The following TMC4 variants were observed in gnomAD, a reference collection of about 807,000 sequenced individuals.
TMC4 encodes the protein voltage-gated chloride channel TMC4.
TMC4 carries 70 observed loss-of-function variants against 82.0 expected under a neutral mutation model. The observed-to-expected ratio is 0.85, with a 90% CI of 0.70 to 1.04. The LOEUF (loss-of-function observed/expected upper bound fraction) is 1.04. Among genes scored for constraint, TMC4 ranks in the 50% least tolerant of loss-of-function variants. TMC4 has a pLI of 0.00. For missense variants in TMC4, 879 were observed against 899.0 expected (o/e 0.98, Z 0.28); for synonymous variants, 446 against 406.0 (o/e 1.10, Z -1.18).
rs2075577550 is a variant in TMC4, at chr19:54,162,304, C to T, written c.1503-19G>A. On this transcript the variant is annotated intron_variant, in intron 10 of 14. Coordinates refer to ENST00000619895, the MANE Select transcript of TMC4 (RefSeq NM_144686.4). ...GAGGAGCCTGAAGGACGGGGCGGGG[C>T]CGGGCCGGAGTCAGGGGAGTGGCGG... The T allele has an allele frequency of 2.1e-6, 3 of 1,409,030 alleles. No individual in the cohort carries two copies. Among genetic ancestry groups the T allele is most frequent in the South Asian group, 1.3e-5 (1 of 78,094 alleles). The allele number at this position is 1,409,030 out of a possible 1,614,324, so 87.3% of individuals were successfully genotyped here. A position where few individuals can be genotyped will look rare whatever the true frequency, so the allele number is the denominator to read the frequency against.
At chr19:54,168,989 TC>T (rs2075812026) in intron 3 of TMC4, among the ~76,000 whole-genome samples, 1 of 28,698 alleles carries the variant, frequency 3.5e-5, no homozygotes, top group Non-Finnish European at 6.6e-5. Context: ...TCTCTCTCTC[TC>T]TCTCTATATA....
chr19:54,166,675 C>T (rs568090918), intron 5 of TMC4, among the ~76,000 whole-genome samples: 5 of 152,250 alleles, frequency 3.3e-5, no homozygotes, highest in South Asian at 2.1e-4. Context: ...GGCTCTTTGC[C>T]GGGCGTGGTG....
rs1450229174 is a variant in TMC4, at chr19:54,162,140, TAAGC to T, written c.1644_1647del (p.Leu549ThrfsTer11). ...AAAAGCAGCAGGAACTTGACCGTGT[TAAGC>T]AGGGGCAGTAAAGGGCAGAAAAAAC... is the stretch of plus-strand genomic sequence containing the variant. On this transcript the variant is annotated frameshift_variant, in exon 11 of 15. Coordinates refer to ENST00000619895, the MANE Select transcript of TMC4 (RefSeq NM_144686.4). LOFTEE classifies it high-confidence loss of function. 2 of 1,613,688 alleles carry T rather than the reference TAAGC, an allele frequency of 1.2e-6. No homozygotes were observed. Among genetic ancestry groups the T allele is most frequent in the East Asian group, 4.5e-5 (2 of 44,854 alleles).
Position 54,162,193 on chromosome 19 carries a change from G to T in TMC4, c.1595C>A (p.Ala532Glu). 1 of 1,613,584 alleles carries T rather than the reference G, an allele frequency of 6.2e-7. No homozygotes were observed. ...ACTCCCCACCCAGACCACCGTCTGC[G>T]CGTAGATGAGCCCCAGCACCTCGTC... ...VPDEVLGLIY[A>E]QTVVWVGSFF... is the part of the protein sequence containing the mutation. Residue 532 changes from alanine to glutamate, a missense_variant, in exon 11 of 15, where the codon GCG (alanine) becomes GAG (glutamate). Transcript: ENST00000619895.
Position 54,173,064 on chromosome 19 carries a change from C to A in TMC4, c.54G>T (p.Trp18Cys), listed in dbSNP as rs1404565731. ...ESEAWGSSRE[W>C]LAPREARGGP... ...CTCCTCTGGCCTCCCGGGGGGCCAG[C>A]CACTCCCTAGAGGAGCCCCAGGCTT... is the stretch of plus-strand genomic sequence containing the variant. The change falls in exon 1 of 15, where the codon TGG (tryptophan) becomes TGT (cysteine). Residue 18 changes from tryptophan (W) to cysteine (C), a missense_variant. By Grantham distance (215) the Trp-to-Cys change is radical. Transcript: ENST00000619895. 2.5e-6 allele frequency: 4 copies of A among 1,613,346 alleles called. No homozygotes were observed. The highest frequency in any genetic ancestry group is 2.7e-5 in the African/African-American group (2 of 74,858).
At position 54,161,235 on chromosome 19, in the gene TMC4, G is replaced by A. The variant is rs1354348699; in HGVS notation, c.1712C>T (p.Pro571Leu). The A allele has an allele frequency of 1.3e-6, 2 of 1,563,448 alleles. No individual in the cohort carries two copies. Among genetic ancestry groups the A allele is most frequent in the Non-Finnish European group, 1.7e-6 (2 of 1,156,218 alleles). The stretch of plus-strand genomic sequence containing the variant: ...GGAGGCCCGGAAGGTGCGGGCAGCC[G>A]GGGAGCAGGTGGAGAAGAGGGTAAG... ...KKLTLFSTCSPAARTFRASAA... is the reference protein window; with the variant it reads ...KKLTLFSTCSLAARTFRASAA... Residue 571 changes from proline (P) to leucine (L), a missense_variant, in exon 12 of 15, where the codon CCG becomes CTG. By Grantham distance (98) the Pro-to-Leu change is moderately conservative. Transcript: ENST00000619895.
chr19:54,165,171 G>T (rs951727719), intron 6 of TMC4, among the ~76,000 whole-genome samples: 1 of 150,254 alleles, frequency 6.7e-6, no homozygotes, highest in Admixed American at 6.7e-5. Context: ...GTCTCCCAAA[G>T]TGCTGGGGTT....
In TMC4 at chr19:54,172,019, A is replaced by T. The variant is rs757569714; in HGVS notation, c.144T>A (p.Pro48=). 1 of 1,612,852 alleles carries T rather than the reference A, an allele frequency of 6.2e-7. No individual in the cohort carries two copies. Among genetic ancestry groups the T allele is most frequent in the African/African-American group, 1.3e-5 (1 of 74,772 alleles). Residue 48 remains proline (P), a synonymous_variant, in exon 2 of 15, where the codon CCT becomes CCA. Transcript: ENST00000619895. ...PSAATLRYRD[P]GVLPWGALEE... ...CCAGCGCCCCCCAAGGCAGCACCCC[A>T]GGGTCTCGGTACCGAAGGGTGGCAG...
At chr19:54,166,689 C>T (rs1199126102) in intron 5 of TMC4, among the ~76,000 whole-genome samples, 1 of 152,188 alleles carries the variant, frequency 6.6e-6, no homozygotes, top group Non-Finnish European at 1.5e-5. Context: ...CGTGGTGGCT[C>T]ACGCCTGTAA....
chr19:54,163,055 C>G lies in TMC4; in HGVS notation c.1382G>C (p.Gly461Ala), dbSNP rs752629783. ...CACCGGAAGTTGTTTGTAATTGTAG[C>G]CACAGGTTTTGCAGTCCTCAGCCTC... ...DSEAEDCKTC[G>A]YNYKQLPCWE... The change falls in exon 9 of 15, where the codon GGC becomes GCC. Residue 461 changes from glycine to alanine, a missense_variant. Transcript: ENST00000619895. The G allele has an allele frequency of 9.3e-6, 15 of 1,614,168 alleles. No individual in the cohort carries two copies. Among genetic ancestry groups the G allele is most frequent in the Non-Finnish European group, 1.3e-5 (15 of 1,180,030 alleles).
chr19:54,173,002 G>A (rs2075949452), intron 1 of TMC4, 37 bp downstream of exon 1: 1 of 1,590,148 alleles, frequency 6.3e-7, no homozygotes, highest in Non-Finnish European at 8.6e-7. Context: ...CTAGCCTGAA[G>A]GTCGGATGGA....
intron 1 of TMC4, 62 bp from the exon 2 acceptor site, chr19:54,172,145 G>C (rs573145426): frequency 7.0e-7 from 1 of 1,425,466 alleles, no homozygotes; most frequent in South Asian, 1.5e-5. Flanking sequence ...TCCTCCCTCA[G>C]ACCAGGAAAC....
At chr19:54,171,733 G>C in intron 2 of TMC4, 137 bp downstream of exon 2, 1 of 703,148 alleles carries the variant, frequency 1.4e-6, no homozygotes. Context: ...GAAACCAAGA[G>C]AGGCAGCTCT....
intron 13 of TMC4, 62 bp downstream of exon 13, chr19:54,160,816 C>T (rs1056752770): frequency 6.3e-7 from 1 of 1,586,062 alleles, no homozygotes; most frequent in African/African-American, 1.4e-5. Flanking sequence ...CTCTTGGACG[C>T]AGGTGGTGGC....
At position 54,165,527 on chromosome 19, in the gene TMC4, G is replaced by A. The variant is rs773899643; in HGVS notation, c.837C>T (p.Ser279=). ...SGLKQTLLAE[S]EALTSYSHRV... The stretch of plus-strand genomic sequence containing the variant: ...GGTGGCTGTAGCTGGTCAGAGCCTC[G>A]GACTCCGCCAGCAGTGTCTGCTTCA... Residue 279 remains serine (S), a synonymous_variant, in exon 6 of 15, where the codon TCC becomes TCT. Transcript: ENST00000619895. 3 of 1,611,468 alleles carry A rather than the reference G, an allele frequency of 1.9e-6. No homozygotes were observed. Among genetic ancestry groups the A allele is most frequent in the African/African-American group, 1.3e-5 (1 of 74,920 alleles).
At chr19:54,172,118 G>A (rs757938196) in intron 1 of TMC4, 35 bp from the exon 2 acceptor site, 24 of 1,489,220 alleles carry the variant, frequency 1.6e-5, no homozygotes, top group Non-Finnish European at 2.0e-5. Context: ...AGACCCGGGA[G>A]TCTGGGCCCT....
chr19:54,172,981 A>C, intron 1 of TMC4, 58 bp downstream of exon 1: 3 of 1,491,278 alleles, frequency 2.0e-6, no homozygotes, highest in Non-Finnish European at 2.8e-6. Flanking sequence ...CTCCTCCAGC[A>C]GGACTCCCAC....
chr19:54,161,315 C>CT, intron 11 of TMC4, 55 bp from the exon 12 acceptor site: 2 of 1,103,936 alleles, frequency 1.8e-6, no homozygotes, highest in South Asian at 2.2e-5. Flanking sequence ...TCTGTGCCTC[C>CT]ATTTTTTTTT....
rs115917430 is a variant in TMC4, at chr19:54,161,163, A to C, written c.1784T>G (p.Ile595Ser). Reference protein sequence around the residue: ...FPLVLLLGLAISSVPLLYSIF... With the variant: ...FPLVLLLGLASSSVPLLYSIF... Reference sequence around the variant, plus strand: ...GCTGTAAAGCAGGGGAACGCTGGAGATGGCCAGACCCAGGAGAAGGACCAA... The same window carrying C: ...GCTGTAAAGCAGGGGAACGCTGGAGCTGGCCAGACCCAGGAGAAGGACCAA... Residue 595 changes from isoleucine (I) to serine (S), a missense_variant, in exon 12 of 15, where the codon ATC becomes AGC. By Grantham distance (142) the Ile-to-Ser change is moderately radical. Coordinates refer to ENST00000619895, the MANE Select transcript of TMC4 (RefSeq NM_144686.4). The C allele has an allele frequency of 7.5e-6, 12 of 1,591,704 alleles. No homozygotes were observed. Among genetic ancestry groups the C allele is most frequent in the African/African-American group, 2.7e-5 (2 of 73,418 alleles).
Sources: allele counts gnomAD v4.1 joint callset (sites outside exome capture counted in the v4.1 genomes callset), GRCh38; gene constraint gnomAD v4.1.1; transcripts MANE v1.5; gene names NCBI Gene and HGNC (gene_info 2026-07-23, HGNC 2026-07-21).